Variants in ESCO1 observed in about 807,000 individuals in gnomAD.
ESCO1 encodes the protein establishment of sister chromatid cohesion N-acetyltransferase 1, also known as N-acetyltransferase ESCO1.
Under a neutral mutation model 83.5 loss-of-function variants are expected in ESCO1, and 33 were observed. That is an observed-to-expected ratio of 0.40 (90% CI 0.30 to 0.53). ESCO1 has a LOEUF of 0.53. ESCO1 is among the 20% of genes least tolerant of loss of function. ESCO1 has a pLI of 0.63. For missense variants in ESCO1, 855 were observed against 968.0 expected, an observed-to-expected ratio of 0.88 and a Z score of 1.55; for synonymous variants, 332 against 324.3, an observed-to-expected ratio of 1.02 and a Z score of -0.25.
In ESCO1 at chr18:21,552,389, T is replaced by C. The variant is rs1397370481; in HGVS notation, c.1953+8470A>G. ...GTAGTTACCCCCATGCTGCTGTTCT[T>C]GTGACAGTGAGTTCTCACAAAATCT... On this transcript the variant is annotated intron_variant, in intron 8 of 11. Coordinates refer to ENST00000269214, the MANE Select transcript of ESCO1 (RefSeq NM_052911.3). Among the ~76,000 whole-genome samples, 5 of 152,278 alleles carry C rather than the reference T, an allele frequency of 3.3e-5. No individual in the cohort carries two copies. The East Asian group carries it at 5.8e-4, about 18-fold the overall frequency.
At chr18:21,549,545 G>A (rs1009693972) in intron 8 of ESCO1, among the ~76,000 whole-genome samples, 3 of 152,028 alleles carry the variant, frequency 2.0e-5, no homozygotes, top group Non-Finnish European at 4.4e-5. Context: ...CTCCCAAGTA[G>A]CTGGGATTAC....
At position 21,530,317 on chromosome 18, in the gene ESCO1, T is replaced by C. The variant is rs1234890964; in HGVS notation, c.*26A>G. On this transcript the variant is annotated 3_prime_UTR_variant, in exon 12 of 12. Coordinates refer to ENST00000269214, the MANE Select transcript of ESCO1 (RefSeq NM_052911.3). ...AATCCATTCTCTTCAATAGATGTCT[T>C]CTAGTGGTGTAGGCAAGAATTTGTT... 3 of 1,547,862 alleles carry C rather than the reference T, an allele frequency of 1.9e-6. No individual in the cohort carries two copies. The highest frequency in any genetic ancestry group is 2.6e-6 in the Non-Finnish European group (3 of 1,149,974).
At chr18:21,539,899 G>A (rs1341582674) in intron 9 of ESCO1, 21 bp downstream of exon 9, 1 of 1,584,232 alleles carries the variant, frequency 6.3e-7, no homozygotes, top group Admixed American at 1.7e-5. Flanking sequence ...CACTCTACAT[G>A]AAGTTTCACT....
chr18:21,563,539 G>C (rs915158790), intron 7 of ESCO1, among the ~76,000 whole-genome samples: 1 of 151,920 alleles, frequency 6.6e-6, no homozygotes, highest in Non-Finnish European at 1.5e-5. Context: ...GTAGAGACAG[G>C]ATTTCACCAT....
intron 1 of ESCO1, among the ~76,000 whole-genome samples, chr18:21,597,491 T>A (rs1008534742): frequency 1.3e-5 from 2 of 150,720 alleles, no homozygotes; most frequent in Non-Finnish European, 3.0e-5. Context: ...GAGCCACTGT[T>A]ACTAAAAAAA....
rs749051946 is a variant in ESCO1 at position 21,566,106 on chromosome 18, G to C, written c.1706+40C>G. 17 of 1,582,560 alleles carry C rather than the reference G, an allele frequency of 1.1e-5. No individual in the cohort carries two copies. The South Asian group carries it at 1.8e-4, about 17-fold the overall frequency. On this transcript the variant is annotated intron_variant, in intron 6 of 11. Transcript: ENST00000269214. Reference sequence around the variant, plus strand: ...AATCCCCTAAACTCAAAACTTGTAAGTTAAAATCCTTAAGCTCTAAAATTT... The same window carrying C: ...AATCCCCTAAACTCAAAACTTGTAACTTAAAATCCTTAAGCTCTAAAATTT...
At chr18:21,534,869 C>T (rs1270456532) in intron 10 of ESCO1, among the ~76,000 whole-genome samples, 1 of 151,866 alleles carries the variant, frequency 6.6e-6, no homozygotes, top group Admixed American at 6.6e-5. Flanking sequence ...TCTGATCTGC[C>T]CGCCTCAGCC....
rs1363804943 is a variant in ESCO1 at position 21,536,150 on chromosome 18, T to C, written c.2079A>G (p.Leu693=). 6.2e-7 allele frequency: 1 copy of C among 1,613,904 alleles called. No individual in the cohort carries two copies. The highest frequency in any genetic ancestry group is 1.3e-5 in the African/African-American group (1 of 75,064). ...ACATTAGTGGAGCCTGTTGAAAACC[T>C]AAATCATTGTCAACCATCTCTCTAA... is the stretch of plus-strand genomic sequence containing the variant. The part of the protein sequence containing the change: ...DEIREMVDND[L]GFQQAPLMCY... Residue 693 remains leucine, a synonymous_variant, in exon 10 of 12, where the codon TTA becomes TTG. Coordinates refer to ENST00000269214, the MANE Select transcript of ESCO1 (RefSeq NM_052911.3).
chr18:21,573,542 A>C lies in ESCO1; in HGVS notation c.1302T>G (p.Thr434=). 1 of 1,614,016 alleles carries C rather than the reference A, an allele frequency of 6.2e-7. No individual in the cohort carries two copies. Among genetic ancestry groups the C allele is most frequent in the Non-Finnish European group, 8.5e-7 (1 of 1,180,004 alleles). The part of the protein sequence containing the change: ...PPALEMHHPV[T]QSTFLGTKLH... ...GCTTTGTCCCTAAAAACGTACTTTGAGTCACTGGATGATGCATTTCTAAAG... is the reference window on the plus strand; with the variant it reads ...GCTTTGTCCCTAAAAACGTACTTTGCGTCACTGGATGATGCATTTCTAAAG... The change falls in exon 4 of 12, where the codon ACT becomes ACG. Residue 434 remains threonine (T), a synonymous_variant. Transcript: ENST00000269214.
intron 1 of ESCO1, among the ~76,000 whole-genome samples, chr18:21,592,240 G>C (rs1365646920): frequency 2.4e-4 from 36 of 150,918 alleles, no homozygotes; most frequent in African/African-American, 8.3e-4. Context: ...CTTCCCAGTA[G>C]GGGCGGCCGG....
intron 8 of ESCO1, among the ~76,000 whole-genome samples, chr18:21,554,725 A>G (rs2038090622): frequency 6.6e-6 from 1 of 152,168 alleles, no homozygotes; most frequent in Non-Finnish European, 1.5e-5. Flanking sequence ...TCTGGCCAAC[A>G]CAGTGAAACC....
At position 21,548,984 on chromosome 18, in the gene ESCO1, T is replaced by C. The variant is rs138789641; in HGVS notation, c.1954-8975A>G. On this transcript the variant is annotated intron_variant, in intron 8 of 11. Transcript: ENST00000269214. ...AAGAAATATAAATCTATTCCCTCCT[T>C]ATTAACAGCTACAGAGTTTTCTGAA... 1.2e-4 allele frequency among the ~76,000 whole-genome samples: 18 copies of C among 152,140 alleles called. No individual in the cohort carries two copies. In the East Asian group the frequency reaches 3.3e-3, roughly 28 times the overall value.
chr18:21,544,415 T>G, intron 8 of ESCO1, among the ~76,000 whole-genome samples: 1 of 150,898 alleles, frequency 6.6e-6, no homozygotes, highest in South Asian at 2.1e-4. Flanking sequence ...GAGACCAGCC[T>G]GGCTAACCTG....
intron 8 of ESCO1, among the ~76,000 whole-genome samples, chr18:21,553,705 A>G (rs1457964964): frequency 6.6e-6 from 1 of 151,840 alleles, no homozygotes; most frequent in African/African-American, 2.4e-5. Context: ...TAAAAATACA[A>G]AATTAGCTGG....
chr18:21,597,331 A>T (rs943785532), intron 1 of ESCO1, among the ~76,000 whole-genome samples: 1 of 152,098 alleles, frequency 6.6e-6, no homozygotes, highest in African/African-American at 2.4e-5. Context: ...TTCCTTCACT[A>T]ACTTATTTTG....
At chr18:21,599,754 G>A (rs1411929242) in intron 1 of ESCO1, among the ~76,000 whole-genome samples, 2 of 152,060 alleles carry the variant, frequency 1.3e-5, no homozygotes, top group Non-Finnish European at 2.9e-5. Flanking sequence ...CATCGCCCCG[G>A]AAAATAAAGC....
At chr18:21,585,222 T>C (rs1263795353) in intron 1 of ESCO1, among the ~76,000 whole-genome samples, 1 of 151,834 alleles carries the variant, frequency 6.6e-6, no homozygotes, top group East Asian at 1.9e-4. Context: ...TCTTAAAATA[T>C]AATCACTACT....
chr18:21,574,158 T>C lies in ESCO1; in HGVS notation c.686A>G (p.Gln229Arg). ...CGTTTCGTCTCTTCTAGTAGTCTTC[T>C]GAGGACACTTTTCAGATCCTTGCGT... ...QCTQGSEKCP[Q>R]KTTRRDETKP... The change falls in exon 4 of 12, where the codon CAG (glutamine) becomes CGG (arginine). Residue 229 changes from glutamine (Q) to arginine (R), a missense_variant. Transcript: ENST00000269214. The C allele has an allele frequency of 6.2e-7, 1 of 1,613,946 alleles. No individual in the cohort carries two copies. Among genetic ancestry groups the C allele is most frequent in the East Asian group, 2.2e-5 (1 of 44,882 alleles).
intron 1 of ESCO1, among the ~76,000 whole-genome samples, chr18:21,599,776 T>C (rs2038815649): frequency 1.3e-5 from 2 of 152,136 alleles, no homozygotes; most frequent in African/African-American, 2.4e-5. Context: ...CACGCCGGAT[T>C]TTCGGACGCA....
Sources: gnomAD v4.1 joint callset for allele counts (sites outside exome capture counted in the v4.1 genomes callset) on GRCh38, gnomAD v4.1.1 for gene constraint, MANE v1.5 for transcripts, NCBI Gene and HGNC (gene_info 2026-07-23, HGNC 2026-07-21) for gene names.